ADGRL3: variants seen among roughly 807,000 people sequenced by gnomAD.
The protein encoded by ADGRL3 is calcium-independent alpha-latrotoxin receptor 3.
Under a neutral mutation model 153.5 loss-of-function variants are expected in ADGRL3, and 62 were observed. The observed-to-expected ratio is 0.40, with a 90% confidence interval of 0.33 to 0.50. The LOEUF is 0.50. Among genes scored for constraint, ADGRL3 ranks in the 20% least tolerant of loss-of-function variants. The probability of loss-of-function intolerance (pLI) is 0.47; values close to 1 mark genes in which losing one functional copy is unlikely to be tolerated. For synonymous variants in ADGRL3, 710 were observed against 672.5 expected, an observed-to-expected ratio of 1.06 and a Z score of -0.86; for missense variants, 1,641 against 1,859.4, an observed-to-expected ratio of 0.88 and a Z score of 2.16.
At position 61,501,161 on chromosome 4, in the gene ADGRL3, A is replaced by G. The variant is rs544936812; in HGVS notation, c.55+3813A>G. On this transcript the variant is annotated intron_variant, in intron 3 of 26. Coordinates refer to ENST00000683033, the MANE Select transcript of ADGRL3 (RefSeq NM_001387552.1). ...ATCCTGTTTATCTGTCAACTGGTTA[A>G]TAAATATCATTAATTTACCCACTAC... Among the ~76,000 whole-genome samples, 4 of 152,302 alleles carry G rather than the reference A, an allele frequency of 2.6e-5. No homozygotes were observed. The East Asian group carries it at 7.7e-4, about 29-fold the overall frequency.
intron 2 of ADGRL3, among the ~76,000 whole-genome samples, chr4:61,474,773 A>T (rs2098022743): frequency 6.6e-6 from 1 of 152,110 alleles, no homozygotes; most frequent in Non-Finnish European, 1.5e-5. Flanking sequence ...AGGGATTACC[A>T]GTTCTCTGTT....
chr4:61,221,461 A>G (rs927778819), intron 1 of ADGRL3, among the ~76,000 whole-genome samples: 3 of 152,118 alleles, frequency 2.0e-5, no homozygotes, highest in African/African-American at 7.2e-5. Context: ...TCTGTTCTCT[A>G]ATTATAGTAT....
chr4:61,979,578 CATG>C lies in ADGRL3; in HGVS notation c.2823_2825del (p.Asp942del). 3 of 1,613,818 alleles carry C rather than the reference CATG, an allele frequency of 1.9e-6. No homozygotes were observed. Among genetic ancestry groups the C allele is most frequent in the Non-Finnish European group, 2.5e-6 (3 of 1,179,858 alleles). On this transcript the variant is annotated inframe_deletion, in exon 18 of 27. Coordinates refer to ENST00000683033, the MANE Select transcript of ADGRL3 (RefSeq NM_001387552.1). Reference sequence around the variant, plus strand: ...GTGTTTCCAGCACAGTGATGCGGTCCATGACCTCCTTCTGGATGTGATCACGTG... The same window carrying C: ...GTGTTTCCAGCACAGTGATGCGGTCCACCTCCTTCTGGATGTGATCACGTG...
At chr4:62,068,337 A>T in intron 26 of ADGRL3, 154 bp downstream of exon 26, 1 of 476,366 alleles carries the variant, frequency 2.1e-6, no homozygotes, top group Non-Finnish European at 3.5e-6. Context: ...AATATATGTT[A>T]ATAGAGATTA....
chr4:61,578,762 T>G (rs2098907980), intron 4 of ADGRL3, among the ~76,000 whole-genome samples: 1 of 152,144 alleles, frequency 6.6e-6, no homozygotes, highest in Non-Finnish European at 1.5e-5. Context: ...TCGAGAAATC[T>G]TTTTTAAGCA....
At chr4:61,713,295 T>G (rs1285099963) in intron 6 of ADGRL3, among the ~76,000 whole-genome samples, 1 of 152,032 alleles carries the variant, frequency 6.6e-6, no homozygotes, top group Non-Finnish European at 1.5e-5. Context: ...TTTTTTCCTG[T>G]ATGTTCTTTC....
intron 2 of ADGRL3, among the ~76,000 whole-genome samples, chr4:61,441,180 G>T (rs2097524585): frequency 6.6e-6 from 1 of 151,938 alleles, no homozygotes; most frequent in African/African-American, 2.4e-5. Context: ...ATCTCCAAAA[G>T]CCTGACCAGT....
intron 1 of ADGRL3, among the ~76,000 whole-genome samples, chr4:61,356,546 T>C (rs1397532885): frequency 6.6e-6 from 1 of 152,078 alleles, no homozygotes; most frequent in African/African-American, 2.4e-5. Context: ...TTTGTAAGCA[T>C]TTTTTCATTT....
chr4:61,392,488 C>T (rs1269181376), intron 2 of ADGRL3, among the ~76,000 whole-genome samples: 1 of 150,988 alleles, frequency 6.6e-6, no homozygotes, highest in Non-Finnish European at 1.5e-5. Context: ...GAGATCGAGA[C>T]CATCCTGGCC....
chr4:61,236,341 G>C (rs1318962952), intron 1 of ADGRL3, among the ~76,000 whole-genome samples: 5 of 152,032 alleles, frequency 3.3e-5, no homozygotes, highest in Admixed American at 3.3e-4. Flanking sequence ...ATGAGAGAGT[G>C]AATCCTTCTC....
intron 2 of ADGRL3, among the ~76,000 whole-genome samples, chr4:61,487,156 G>A (rs1313731012): frequency 5.3e-5 from 8 of 152,148 alleles, no homozygotes; most frequent in Admixed American, 5.2e-4. Flanking sequence ...TACAGAATCT[G>A]TAGTCAGTAT....
At chr4:61,341,629 T>C (rs1289847249) in intron 1 of ADGRL3, among the ~76,000 whole-genome samples, 1 of 152,004 alleles carries the variant, frequency 6.6e-6, no homozygotes, top group Non-Finnish European at 1.5e-5. Context: ...TTCTCTTAGA[T>C]GCTTTTGTTA....
At chr4:61,998,766 G>A (rs2099130613) in intron 21 of ADGRL3, among the ~76,000 whole-genome samples, 1 of 151,786 alleles carries the variant, frequency 6.6e-6, no homozygotes, top group Non-Finnish European at 1.5e-5. Flanking sequence ...TAATAGAGAC[G>A]GGGTTTCACC....
chr4:61,666,230 T>C (rs370007157), intron 5 of ADGRL3, among the ~76,000 whole-genome samples: 135 of 152,326 alleles, frequency 8.9e-4, no homozygotes, highest in African/African-American at 3.0e-3. Context: ...CCATTTTTCC[T>C]AGCTCATCTT....
chr4:61,788,402 C>T (rs2097302402), intron 8 of ADGRL3, among the ~76,000 whole-genome samples: 1 of 152,110 alleles, frequency 6.6e-6, no homozygotes, highest in Non-Finnish European at 1.5e-5. Flanking sequence ...AACCCCGTAG[C>T]TCTGCTGGGT....
chr4:61,520,261 G>A (rs1272654354), intron 4 of ADGRL3, among the ~76,000 whole-genome samples: 1 of 152,120 alleles, frequency 6.6e-6, no homozygotes, highest in African/African-American at 2.4e-5. Flanking sequence ...TTCCCTAGAA[G>A]CTAAAGGCAT....
chr4:61,908,756 T>C (rs751769050), intron 11 of ADGRL3, among the ~76,000 whole-genome samples: 1 of 152,188 alleles, frequency 6.6e-6, no homozygotes, highest in Non-Finnish European at 1.5e-5. Flanking sequence ...ACAAAGAAGA[T>C]TATAACTTGG....
chr4:61,822,908 G>A (rs931909676), intron 9 of ADGRL3, among the ~76,000 whole-genome samples: 1 of 152,132 alleles, frequency 6.6e-6, no homozygotes, highest in Non-Finnish European at 1.5e-5. Context: ...TCTTCTTCAG[G>A]TTTGATGTGA....
At chr4:61,969,377 C>A (rs979070022) in intron 17 of ADGRL3, among the ~76,000 whole-genome samples, 60 of 152,128 alleles carry the variant, frequency 3.9e-4, no homozygotes, top group African/African-American at 1.4e-3. Context: ...ATGTAGGCTC[C>A]ACAATTGTAT....
Sources: allele counts gnomAD v4.1 joint callset (sites outside exome capture counted in the v4.1 genomes callset), GRCh38; gene constraint gnomAD v4.1.1; transcripts MANE v1.5; gene names NCBI Gene and HGNC (gene_info 2026-07-23, HGNC 2026-07-21).